Variants in ESR1 observed in about 807,000 individuals in gnomAD.
ESR1 encodes the protein estrogen receptor 1.
A neutral mutation model predicts 52.7 loss-of-function variants in ESR1; 12 were observed. The observed-to-expected ratio is 0.23, with a 90% confidence interval of 0.15 to 0.37. The LOEUF is 0.37. Among genes scored for constraint, ESR1 ranks in the 10% least tolerant of loss-of-function variants. The pLI, the probability that ESR1 is intolerant of heterozygous loss-of-function variation, is 1.00. For synonymous variants in ESR1, 305 were observed against 316.8 expected, an observed-to-expected ratio of 0.96 and a Z score of 0.39; for missense variants, 584 against 779.7, an observed-to-expected ratio of 0.75 and a Z score of 2.99.
In ESR1 at chr6:151,708,103, A is replaced by T. The variant is rs566056904; in HGVS notation, c.-71+6098A>T. ...TCCATGCTCACACAACCCAATATTTACACATGCACTGATTTTTCAGGGCAA... is the reference window on the plus strand; with the variant it reads ...TCCATGCTCACACAACCCAATATTTTCACATGCACTGATTTTTCAGGGCAA... On this transcript the variant is annotated intron_variant, in intron 2 of 2. Coordinates refer to the ESR1 transcript ENST00000404742. Among the ~76,000 whole-genome samples the T allele has an allele frequency of 2.4e-3, 364 of 152,236 alleles. 2 individuals are homozygous for T. The highest frequency in any genetic ancestry group is 8.0e-3 in the African/African-American group (333 of 41,562).
chr6:152,072,793 C>A (rs2048453305), intron 6 of ESR1, among the ~76,000 whole-genome samples: 1 of 152,204 alleles, frequency 6.6e-6, no homozygotes. Flanking sequence ...TTGGAATCAA[C>A]AGTTATGGAT....
chr6:152,005,739 C>T (rs1562659225), intron 4 of ESR1, among the ~76,000 whole-genome samples: 1 of 152,074 alleles, frequency 6.6e-6, no homozygotes, highest in Admixed American at 6.6e-5. Flanking sequence ...CTGTAGACCA[C>T]AGAAGAATTG....
chr6:152,125,481 A>C, exon 7 of ESR1: 10 of 1,216,014 alleles, frequency 8.2e-6, no homozygotes, highest in Non-Finnish European at 1.1e-5. Flanking sequence ...CAGTTTTCTC[A>C]TTTGCAATGA....
At chr6:151,788,612 A>C (rs544882852) in intron 2 of ESR1, among the ~76,000 whole-genome samples, 1 of 152,358 alleles carries the variant, frequency 6.6e-6, no homozygotes, top group East Asian at 1.9e-4. Context: ...GTATATACCC[A>C]AATGGATATA....
intron 4 of ESR1, among the ~76,000 whole-genome samples, chr6:151,966,035 G>A (rs921119595): frequency 1.3e-5 from 2 of 151,928 alleles, no homozygotes; most frequent in East Asian, 1.9e-4. Context: ...CTCATCTTTC[G>A]TGGATTCCTT....
intron 2 of ESR1, among the ~76,000 whole-genome samples, chr6:151,735,827 T>G (rs3020347): frequency 0.49 from 74,388 of 151,942 alleles, 19,565 homozygotes; most frequent in Non-Finnish European, 0.58. Context: ...TCAAGGGAGG[T>G]ACCTGGTGGG....
chr6:151,894,734 C>T (rs374352835), intron 3 of ESR1, among the ~76,000 whole-genome samples: 102 of 152,168 alleles, frequency 6.7e-4, no homozygotes, highest in African/African-American at 2.3e-3. Context: ...CTACTCTGTT[C>T]CTTTGGTCTA....
Position 151,807,813 on chromosome 6 carries a change from C to A in ESR1, c.-100C>A. 1.8e-6 allele frequency: 2 copies of A among 1,107,718 alleles called. No homozygotes were observed. The highest frequency in any genetic ancestry group is 2.7e-6 in the Non-Finnish European group (2 of 750,412). 68.6% of individuals were successfully genotyped at this position (1,107,718 alleles called of 1,614,324 possible). ...GTCGGCGGGACATGCGCTGCGTCGC[C>A]TCTAACCTCGGGCTGTGCTCTTTTT... On this transcript the variant is annotated 5_prime_UTR_variant, in exon 1 of 8. Transcript: ENST00000206249.
At chr6:151,730,789 T>C (rs903313871) in intron 2 of ESR1, among the ~76,000 whole-genome samples, 2 of 152,210 alleles carry the variant, frequency 1.3e-5, no homozygotes, top group African/African-American at 4.8e-5. Flanking sequence ...AAGACATTCT[T>C]ATCAGTCTTC....
intron 3 of ESR1, among the ~76,000 whole-genome samples, chr6:151,900,773 C>T (rs1259301296): frequency 1.3e-5 from 2 of 152,228 alleles, no homozygotes; most frequent in African/African-American, 2.4e-5. Flanking sequence ...GGGCTGTCTG[C>T]TCAGAGTCCT....
chr6:151,699,178 A>G (rs1197998964), intron 1 of ESR1, among the ~76,000 whole-genome samples: 2 of 152,126 alleles, frequency 1.3e-5, no homozygotes, highest in African/African-American at 2.4e-5. Flanking sequence ...CTCCCTCTGC[A>G]CTTGGAATAG....
chr6:151,728,205 G>A (rs1468511658), intron 2 of ESR1, among the ~76,000 whole-genome samples: 1 of 152,122 alleles, frequency 6.6e-6, no homozygotes, highest in East Asian at 1.9e-4. Flanking sequence ...TATAAAGGAG[G>A]ATGATGTTCT....
At chr6:151,898,903 T>C (rs1193940855) in intron 3 of ESR1, among the ~76,000 whole-genome samples, 2 of 152,246 alleles carry the variant, frequency 1.3e-5, no homozygotes, top group South Asian at 4.2e-4. Flanking sequence ...CCGTTCTCAA[T>C]GAGCTGTTGG....
At chr6:151,941,467 G>A (rs1021074399) in intron 3 of ESR1, among the ~76,000 whole-genome samples, 1 of 151,952 alleles carries the variant, frequency 6.6e-6, no homozygotes, top group African/African-American at 2.4e-5. Flanking sequence ...AGAATTTCCT[G>A]AGAAATCTGA....
chr6:151,827,457 C>T (rs1229653409), intron 1 of ESR1, among the ~76,000 whole-genome samples: 1 of 151,424 alleles, frequency 6.6e-6, no homozygotes, highest in Non-Finnish European at 1.5e-5. Flanking sequence ...CTGAGTGAGT[C>T]GAAAATCCAA....
chr6:151,662,315 G>T (rs758718412), intron 1 of ESR1, among the ~76,000 whole-genome samples: 13 of 152,078 alleles, frequency 8.5e-5, no homozygotes, highest in Non-Finnish European at 1.3e-4. Flanking sequence ...CAACAATATA[G>T]GTTTATTTTC....
intron 4 of ESR1, among the ~76,000 whole-genome samples, chr6:152,001,521 T>A (rs748125645): frequency 9.2e-5 from 14 of 152,044 alleles, no homozygotes; most frequent in Non-Finnish European, 1.2e-4. Flanking sequence ...CAATTAAATT[T>A]CAGCATGAGT....
chr6:151,686,218 T>C (rs1225194378), upstream of ESR1, among the ~76,000 whole-genome samples: 1 of 152,082 alleles, frequency 6.6e-6, no homozygotes, highest in Non-Finnish European at 1.5e-5. Flanking sequence ...TAAAAAAATT[T>C]GAAGAAAGAG....
chr6:151,972,454 A>G (rs1187501646), intron 4 of ESR1, among the ~76,000 whole-genome samples: 2 of 152,206 alleles, frequency 1.3e-5, no homozygotes, highest in African/African-American at 4.8e-5. Flanking sequence ...ATAATCAACT[A>G]TGATCAGGTG....
Sources: allele counts gnomAD v4.1 joint callset (sites outside exome capture counted in the v4.1 genomes callset), GRCh38; gene constraint gnomAD v4.1.1; transcripts MANE v1.5; gene names NCBI Gene and HGNC (gene_info 2026-07-23, HGNC 2026-07-21).